The following ETNK1 variants were observed in gnomAD, a reference collection of about 807,000 sequenced individuals.
ETNK1 encodes putative protein product of Nbla10396.
A neutral mutation model predicts 45.1 loss-of-function variants in ETNK1; 8 were observed. That is an observed-to-expected ratio of 0.18 (90% CI 0.10 to 0.32). The LOEUF (loss-of-function observed/expected upper bound fraction) is 0.32, where lower values mean the gene tolerates loss of function less well. Among genes scored for constraint, ETNK1 ranks in the 10% least tolerant of loss-of-function variants. ETNK1 has a pLI of 1.00. For missense variants in ETNK1, 302 were observed against 430.6 expected, an observed-to-expected ratio of 0.70 and a Z score of 2.64; for synonymous variants, 152 against 151.9, an observed-to-expected ratio of 1.00 and a Z score of -0.01.
chr12:22,680,688 T>G (rs182933671), intron 6 of ETNK1, among the ~76,000 whole-genome samples: 89 of 152,354 alleles, frequency 5.8e-4, no homozygotes, highest in Non-Finnish European at 4.3e-4. Flanking sequence ...CAGGTCTGAA[T>G]GATAAGATCA....
chr12:22,670,262 A>G (rs1326094863), intron 4 of ETNK1, among the ~76,000 whole-genome samples: 1 of 152,040 alleles, frequency 6.6e-6, no homozygotes, highest in African/African-American at 2.4e-5. Context: ...GGTGTTAAAC[A>G]TTTTCTATAT....
Position 22,671,316 on chromosome 12 carries a change from C to T in ETNK1, c.745C>T (p.Leu249=), listed in dbSNP as rs368251231. The stretch of plus-strand genomic sequence containing the variant: ...TTATGAATATTCTGGATACAACTAC[C>T]TGGCATATGATATTGGAAATCATTT... The part of the protein sequence containing the change: ...IDYEYSGYNY[L]AYDIGNHFNE... The change falls in exon 5 of 8, where the codon CTG becomes TTG. Residue 249 remains leucine, a synonymous_variant. Transcript: ENST00000266517. The T allele has an allele frequency of 3.7e-6, 6 of 1,610,756 alleles. No homozygotes were observed. In the African/African-American group the frequency reaches 8.0e-5, roughly 22 times the overall value.
chr12:22,625,634 T>C (rs1953483077), intron 1 of ETNK1, 48 bp downstream of exon 1: 2 of 1,520,350 alleles, frequency 1.3e-6, no homozygotes, highest in Non-Finnish European at 1.8e-6. Context: ...CTCACGCGGC[T>C]CTGGGGGTCC....
chr12:22,675,363 T>C (rs767122161), intron 6 of ETNK1, among the ~76,000 whole-genome samples: 11 of 151,918 alleles, frequency 7.2e-5, no homozygotes, highest in Admixed American at 1.3e-4. Context: ...GCCAGACCTA[T>C]TTTTTTATTA....
chr12:22,642,617 A>G (rs1953753582), intron 1 of ETNK1, among the ~76,000 whole-genome samples: 1 of 151,994 alleles, frequency 6.6e-6, no homozygotes, highest in African/African-American at 2.4e-5. Context: ...ATCTTTTTTC[A>G]TATGTCATTT....
chr12:22,648,275 T>C (rs1953832378), intron 2 of ETNK1, among the ~76,000 whole-genome samples: 1 of 151,950 alleles, frequency 6.6e-6, no homozygotes, highest in African/African-American at 2.4e-5. Context: ...GTACATTCTG[T>C]GGGTTTGGGC....
chr12:22,650,775 T>G (rs1953864549), intron 2 of ETNK1, among the ~76,000 whole-genome samples: 1 of 152,122 alleles, frequency 6.6e-6, no homozygotes, highest in Admixed American at 6.5e-5. Flanking sequence ...CATTTTCTGT[T>G]GTATATAATA....
At chr12:22,633,320 T>C (rs1261142914) in intron 1 of ETNK1, among the ~76,000 whole-genome samples, 2 of 152,056 alleles carry the variant, frequency 1.3e-5, no homozygotes, top group East Asian at 3.9e-4. Flanking sequence ...CCACCTGCCT[T>C]GGCCTCCCAA....
At chr12:22,659,810 A>G (rs570420447) in intron 3 of ETNK1, among the ~76,000 whole-genome samples, 29 of 152,270 alleles carry the variant, frequency 1.9e-4, no homozygotes, top group South Asian at 4.1e-4. Flanking sequence ...TCTCCAAGGT[A>G]TACTTTAAAT....
intron 6 of ETNK1, among the ~76,000 whole-genome samples, chr12:22,683,963 A>T (rs1329193437): frequency 1.3e-5 from 2 of 152,168 alleles, no homozygotes; most frequent in African/African-American, 4.8e-5. Flanking sequence ...TTTTCCTGAC[A>T]TAAGTTGTGT....
At chr12:22,628,732 A>G (rs1953536567) in intron 1 of ETNK1, among the ~76,000 whole-genome samples, 1 of 151,990 alleles carries the variant, frequency 6.6e-6, no homozygotes, top group South Asian at 2.1e-4. Flanking sequence ...TGTTTTTCTC[A>G]CTAACTTGTC....
Position 22,685,131 on chromosome 12 carries a change from A to G in ETNK1, c.*177A>G. 1 of 519,204 alleles carries G rather than the reference A, an allele frequency of 1.9e-6. No homozygotes were observed. Among genetic ancestry groups the G allele is most frequent in the African/African-American group, 1.9e-5 (1 of 51,480 alleles). The allele number at this position is 519,204 out of a possible 1,614,324, so 32.2% of individuals were successfully genotyped here. ...GAAATAGACTGAATGATGTCAAGAAATATACCTACTGCTATCCGTATGTGG... is the reference window on the plus strand; with the variant it reads ...GAAATAGACTGAATGATGTCAAGAAGTATACCTACTGCTATCCGTATGTGG... On this transcript the variant is annotated 3_prime_UTR_variant, in exon 8 of 8. Transcript: ENST00000266517.
intron 6 of ETNK1, among the ~76,000 whole-genome samples, chr12:22,679,776 C>G (rs1360656292): frequency 6.7e-6 from 1 of 150,158 alleles, no homozygotes; most frequent in Non-Finnish European, 1.5e-5. Flanking sequence ...TCTTGGCTCA[C>G]TGCAACCTCT....
intron 1 of ETNK1, chr12:22,626,218 G>T: frequency 6.0e-6 from 1 of 165,782 alleles, no homozygotes. Context: ...AGGAGCAGTG[G>T]CTTGTGACTG....
At chr12:22,650,196 T>G (rs1953857282) in intron 2 of ETNK1, among the ~76,000 whole-genome samples, 1 of 151,962 alleles carries the variant, frequency 6.6e-6, no homozygotes, top group African/African-American at 2.4e-5. Flanking sequence ...TTTGGTCCAT[T>G]CTTTTGGATT....
intron 4 of ETNK1, among the ~76,000 whole-genome samples, chr12:22,666,500 C>T (rs1245333642): frequency 6.6e-6 from 1 of 152,132 alleles, no homozygotes; most frequent in Non-Finnish European, 1.5e-5. Context: ...CAAGAAATTA[C>T]TAAAGCTGTT....
chr12:22,652,406 G>A (rs1169563180), intron 2 of ETNK1, among the ~76,000 whole-genome samples: 6 of 152,064 alleles, frequency 3.9e-5, no homozygotes, highest in African/African-American at 1.2e-4. Context: ...TGGTAATTCT[G>A]GTTTTAATTA....
chr12:22,656,565 C>A (rs780405254), intron 2 of ETNK1: 4 of 985,388 alleles, frequency 4.1e-6, no homozygotes, highest in Non-Finnish European at 4.8e-6. Context: ...CCGAGCCCTC[C>A]AGTGACATGG....
chr12:22,632,078 A>AT (rs34533040), intron 1 of ETNK1, among the ~76,000 whole-genome samples: 86,383 of 148,516 alleles, frequency 0.58, 25,207 homozygotes, highest in East Asian at 0.75. Context: ...TTAATAGCAG[A>AT]TTTTTTTTTT....
Sources: gnomAD v4.1 joint callset for allele counts (sites outside exome capture counted in the v4.1 genomes callset) on GRCh38, gnomAD v4.1.1 for gene constraint, MANE v1.5 for transcripts, NCBI Gene and HGNC (gene_info 2026-07-23, HGNC 2026-07-21) for gene names.